The following TMEM178B variants were observed in gnomAD, a reference collection of about 807,000 sequenced individuals.
TMEM178B encodes the protein transmembrane protein 178B.
A neutral mutation model predicts 31.0 loss-of-function variants in TMEM178B; 5 were observed. The ratio of observed to expected loss-of-function variants is 0.16; its 90% CI spans 0.08 to 0.34. The LOEUF is 0.34. TMEM178B is among the 10% of genes least tolerant of loss of function. TMEM178B has a pLI of 1.00. For synonymous variants in TMEM178B, 164 were observed against 164.0 expected, an observed-to-expected ratio of 1.00 and a Z score of 0.00; for missense variants, 275 against 400.3, an observed-to-expected ratio of 0.69 and a Z score of 2.67.
At chr7:141,335,891 T>C (rs978187042) in intron 2 of TMEM178B, among the ~76,000 whole-genome samples, 2 of 152,158 alleles carry the variant, frequency 1.3e-5, no homozygotes, top group African/African-American at 2.4e-5. Flanking sequence ...CAAGTGTCTC[T>C]GGGAAAAGGA....
intron 1 of TMEM178B, among the ~76,000 whole-genome samples, chr7:141,106,582 T>C (rs185695646): frequency 6.6e-6 from 1 of 152,312 alleles, no homozygotes; most frequent in Admixed American, 6.5e-5. Context: ...AGATACCAGA[T>C]ATCTGGAGCC....
the TMEM178B span, among the ~76,000 whole-genome samples, chr7:141,487,930 C>G: frequency 6.6e-6 from 1 of 151,978 alleles, no homozygotes; most frequent in African/African-American, 2.4e-5. Context: ...AGTTAGTTCT[C>G]TTAATCTTTT....
At chr7:141,510,709 A>AAAAAAAAAAAAAAAAAAAAAAAAAAAG in the TMEM178B span, among the ~76,000 whole-genome samples, 1 of 134,954 alleles carries the variant, frequency 7.4e-6, no homozygotes, top group Non-Finnish European at 1.5e-5. Context: ...AAAAAAAAAA[A>AAAAAAAAAAAAAAAAAAAAAAAAAAAG]AAAGAAAAAA....
intron 3 of TMEM178B, among the ~76,000 whole-genome samples, chr7:141,457,688 G>C (rs1296724038): frequency 6.6e-6 from 1 of 152,204 alleles, no homozygotes; most frequent in South Asian, 2.1e-4. Flanking sequence ...GAGAAGCCAG[G>C]GTCAGAACCT....
chr7:141,437,826 C>G, intron 3 of TMEM178B, 81 bp downstream of exon 3: 3 of 1,509,466 alleles, frequency 2.0e-6, no homozygotes, highest in Non-Finnish European at 8.9e-7. Context: ...CCAGAGGGCA[C>G]AGCAGAGGGG....
At chr7:141,204,204 G>T (rs1467254750) in intron 1 of TMEM178B, among the ~76,000 whole-genome samples, 1 of 152,216 alleles carries the variant, frequency 6.6e-6, no homozygotes. Flanking sequence ...TGGAAAGAGG[G>T]GAAGCCAGTC....
intron 1 of TMEM178B, among the ~76,000 whole-genome samples, chr7:141,079,202 G>T (rs186474315): frequency 6.6e-6 from 1 of 152,246 alleles, no homozygotes; most frequent in East Asian, 1.9e-4. Context: ...CAGGAGAATC[G>T]CTTGAACCTA....
chr7:141,494,811 A>G, the TMEM178B span, among the ~76,000 whole-genome samples: 5 of 152,230 alleles, frequency 3.3e-5, no homozygotes, highest in Non-Finnish European at 7.3e-5. Context: ...ATGTTTTTAA[A>G]GAGACCTTAT....
chr7:141,372,541 A>G (rs1326829183), intron 2 of TMEM178B, among the ~76,000 whole-genome samples: 3 of 152,118 alleles, frequency 2.0e-5, no homozygotes, highest in Admixed American at 1.3e-4. Flanking sequence ...TAGGTTCCCA[A>G]AGCCCATTGC....
chr7:141,411,609 G>A (rs979897868), intron 2 of TMEM178B, among the ~76,000 whole-genome samples: 5 of 152,076 alleles, frequency 3.3e-5, no homozygotes, highest in African/African-American at 1.2e-4. Flanking sequence ...GTATAATTTG[G>A]GTTGTTCACA....
At position 141,476,095 on chromosome 7, in the gene TMEM178B, G is replaced by T. The variant is rs1053589111; in HGVS notation, c.*5309G>T. 1 of 152,142 alleles carries T rather than the reference G, an allele frequency of 6.6e-6. No homozygotes were observed. Among genetic ancestry groups the T allele is most frequent in the Non-Finnish European group, 1.5e-5 (1 of 68,020 alleles). 9.4% of individuals were successfully genotyped at this position (152,142 alleles called of 1,614,324 possible). On this transcript the variant is annotated 3_prime_UTR_variant, in exon 4 of 4. Coordinates refer to ENST00000565468, the MANE Select transcript of TMEM178B (RefSeq NM_001195278.2). ...TGTATGTTCTAATTATCCCTCAGAA[G>T]ACCCCCCGCTGGAATGGAATTCTCA...
intron 2 of TMEM178B, among the ~76,000 whole-genome samples, chr7:141,397,571 G>T (rs1283478486): frequency 6.6e-6 from 1 of 152,154 alleles, no homozygotes; most frequent in African/African-American, 2.4e-5. Context: ...TCTCCAGCCA[G>T]TGAGTAAATA....
At chr7:141,195,927 C>T (rs1239154553) in intron 1 of TMEM178B, among the ~76,000 whole-genome samples, 1 of 152,132 alleles carries the variant, frequency 6.6e-6, no homozygotes, top group Non-Finnish European at 1.5e-5. Context: ...GACTTACTCA[C>T]TATCACAAGA....
chr7:141,076,025 A>G (rs498933), intron 1 of TMEM178B, among the ~76,000 whole-genome samples: 100,845 of 152,112 alleles, frequency 0.66, 34,535 homozygotes, highest in Admixed American at 0.77. Flanking sequence ...TGTTTGTTTT[A>G]TAGCTTCTTT....
At chr7:141,200,494 G>C (rs1796858765) in intron 1 of TMEM178B, among the ~76,000 whole-genome samples, 1 of 152,144 alleles carries the variant, frequency 6.6e-6, no homozygotes, top group African/African-American at 2.4e-5. Context: ...CCGGTGTCTA[G>C]ATTTTCAATG....
chr7:141,099,078 T>C (rs190524332), intron 1 of TMEM178B, among the ~76,000 whole-genome samples: 9 of 152,356 alleles, frequency 5.9e-5, no homozygotes, highest in South Asian at 2.1e-4. Context: ...CAGGGCAGAA[T>C]GGAATCTAGG....
In TMEM178B at chr7:141,123,842, T is replaced by G. The variant is rs10253096; in HGVS notation, c.382+49150T>G. ...ATCTAGGCTCACTGCAGCCTTGACC[T>G]CCTGGGCTCAAGTGATCCATCCACC... On this transcript the variant is annotated intron_variant, in intron 1 of 3. Transcript: ENST00000565468. Among the ~76,000 whole-genome samples the G allele has an allele frequency of 2.6e-3, 398 of 152,248 alleles. 1 individual carries two copies. Among genetic ancestry groups the G allele is most frequent in the African/African-American group, 9.0e-3 (375 of 41,554 alleles).
chr7:141,184,615 T>C (rs761572289), intron 1 of TMEM178B, among the ~76,000 whole-genome samples: 2 of 152,188 alleles, frequency 1.3e-5, no homozygotes, highest in African/African-American at 2.4e-5. Context: ...CAATGTCTTG[T>C]GGGGACTTTT....
chr7:141,324,415 G>A (rs988855192), intron 2 of TMEM178B, among the ~76,000 whole-genome samples: 1 of 96,238 alleles, frequency 1.0e-5, no homozygotes, highest in African/African-American at 4.9e-5. Flanking sequence ...AGGAGACCAG[G>A]GTTTTTTTTT....
Sources: allele counts gnomAD v4.1 joint callset (sites outside exome capture counted in the v4.1 genomes callset), GRCh38; gene constraint gnomAD v4.1.1; transcripts MANE v1.5; gene names NCBI Gene and HGNC (gene_info 2026-07-23, HGNC 2026-07-21).